Variants in FOXP1 observed in about 807,000 individuals in gnomAD.
The protein encoded by FOXP1 is forkhead box P1.
FOXP1 carries 15 observed loss-of-function variants against 98.2 expected under a neutral mutation model. That is an observed-to-expected ratio of 0.15 (90% confidence interval 0.10 to 0.24). FOXP1 has a LOEUF of 0.24. FOXP1 is among the 10% of genes least tolerant of loss of function. The pLI is 1.00. For synonymous variants in FOXP1, 371 were observed against 314.5 expected (o/e 1.18, Z -1.90); for missense variants, 633 against 848.5 (o/e 0.75, Z 3.15).
chr3:71,200,745 G>T (rs546825700), intron 5 of FOXP1, among the ~76,000 whole-genome samples: 1 of 152,198 alleles, frequency 6.6e-6, no homozygotes, highest in Non-Finnish European at 1.5e-5. Flanking sequence ...ACAGATTTCT[G>T]CCCCATACAT....
intron 10 of FOXP1, among the ~76,000 whole-genome samples, chr3:71,042,495 G>C (rs1444653818): frequency 6.6e-6 from 1 of 152,044 alleles, no homozygotes; most frequent in Non-Finnish European, 1.5e-5. Flanking sequence ...AGATATTCTA[G>C]ATGACAACTA....
intron 20 of FOXP1, among the ~76,000 whole-genome samples, chr3:70,960,918 T>C (rs34371285): frequency 0.26 from 39,015 of 149,502 alleles, 5,980 homozygotes; most frequent in Middle Eastern, 0.38. Flanking sequence ...CTTGGCTCAC[T>C]GCAAGCTCCG....
intron 4 of FOXP1, among the ~76,000 whole-genome samples, chr3:71,327,060 C>T (rs2075735088): frequency 1.3e-5 from 2 of 152,068 alleles, no homozygotes; most frequent in Non-Finnish European, 2.9e-5. Flanking sequence ...CTGCACTGCC[C>T]ATTCTAGAAT....
chr3:71,429,943 A>G (rs946345991), intron 3 of FOXP1, among the ~76,000 whole-genome samples: 2 of 152,246 alleles, frequency 1.3e-5, no homozygotes, highest in African/African-American at 4.8e-5. Flanking sequence ...TCCAGTGAAA[A>G]ACAAAATTCA....
intron 5 of FOXP1, among the ~76,000 whole-genome samples, chr3:71,236,826 T>G (rs1011636130): frequency 3.3e-5 from 5 of 150,186 alleles, no homozygotes; most frequent in Admixed American, 6.6e-5. Context: ...TGAGCCATAA[T>G]CCTGCCACTG....
At chr3:71,532,019 C>T (rs1247127324) in intron 2 of FOXP1, among the ~76,000 whole-genome samples, 1 of 152,246 alleles carries the variant, frequency 6.6e-6, no homozygotes, top group African/African-American at 2.4e-5. Context: ...TCAAGTCCTA[C>T]AGGCTTCCAT....
At chr3:71,432,745 T>C (rs2084837648) in intron 3 of FOXP1, among the ~76,000 whole-genome samples, 1 of 151,720 alleles carries the variant, frequency 6.6e-6, no homozygotes, top group African/African-American at 2.4e-5. Context: ...GAACTCAGCA[T>C]TTACAGCATT....
At chr3:71,228,061 C>T (rs2065981981) in intron 5 of FOXP1, among the ~76,000 whole-genome samples, 1 of 151,930 alleles carries the variant, frequency 6.6e-6, no homozygotes, top group Admixed American at 6.6e-5. Flanking sequence ...TTGCAGAAGC[C>T]CCTGTCAAAT....
At chr3:71,468,492 T>C (rs11706279) in intron 3 of FOXP1, among the ~76,000 whole-genome samples, 63,183 of 151,986 alleles carry the variant, frequency 0.42, 13,995 homozygotes, top group Non-Finnish European at 0.48. Flanking sequence ...GTTAGGTCTC[T>C]GGAGAACAGC....
intron 5 of FOXP1, among the ~76,000 whole-genome samples, chr3:71,273,062 C>T (rs2070538881): frequency 6.6e-6 from 1 of 152,152 alleles, no homozygotes; most frequent in African/African-American, 2.4e-5. Context: ...CATCTGGCTC[C>T]CTCTCTGCTG....
intron 3 of FOXP1, among the ~76,000 whole-genome samples, chr3:71,449,149 A>G (rs1440662610): frequency 2.0e-5 from 3 of 152,226 alleles, no homozygotes; most frequent in Admixed American, 6.5e-5. Flanking sequence ...GGGTAGAAAT[A>G]TAGAAAGAGC....
chr3:71,327,092 TACACGGTCTCCCTAAGATTGAGACC>T (rs1399450648), intron 4 of FOXP1, among the ~76,000 whole-genome samples: 2 of 152,066 alleles, frequency 1.3e-5, no homozygotes, highest in Non-Finnish European at 1.5e-5. Context: ...ACCACCATGT[TACACGGTCTCCCTAAGATTGAGACC>T]ACAGGGCCAT....
intron 3 of FOXP1, among the ~76,000 whole-genome samples, chr3:71,394,957 G>A (rs1033854145): frequency 1.1e-4 from 17 of 151,922 alleles, no homozygotes; most frequent in African/African-American, 3.9e-4. Context: ...AAAATTAACC[G>A]GATGTGGTGG....
intron 3 of FOXP1, among the ~76,000 whole-genome samples, chr3:71,401,779 A>G (rs1469390736): frequency 3.9e-5 from 6 of 152,226 alleles, no homozygotes; most frequent in South Asian, 2.1e-4. Flanking sequence ...TCCCCATTCA[A>G]TCAATGAAGC....
At chr3:71,424,060 C>A (rs2083886044) in intron 3 of FOXP1, among the ~76,000 whole-genome samples, 1 of 152,194 alleles carries the variant, frequency 6.6e-6, no homozygotes, top group South Asian at 2.1e-4. Flanking sequence ...TCCCAAGTCG[C>A]TGGATTATAG....
At position 71,582,734 on chromosome 3, in the gene FOXP1, C is replaced by T; in HGVS notation, c.-447+837G>A. 3.0e-6 allele frequency: 3 copies of T among 985,158 alleles called. No homozygotes were observed. In the African/African-American group the frequency reaches 5.2e-5, roughly 17 times the overall value. 61.0% of individuals were successfully genotyped at this position (985,158 alleles called of 1,614,324 possible). On this transcript the variant is annotated intron_variant, in intron 1 of 20. Transcript: ENST00000649528. ...GGCCACGGCTGTTGCGGACTCGTCT[C>T]GGGAAAGCGGAGGCCGAGCGCGCGT... is the stretch of plus-strand genomic sequence containing the variant.
At chr3:71,326,572 G>A (rs533796690) in intron 4 of FOXP1, among the ~76,000 whole-genome samples, 1 of 152,246 alleles carries the variant, frequency 6.6e-6, no homozygotes, top group East Asian at 1.9e-4. Flanking sequence ...AAAAATAGAA[G>A]GAAGGAAGGG....
chr3:71,028,588 C>T (rs1243373378), intron 11 of FOXP1, among the ~76,000 whole-genome samples: 1 of 152,204 alleles, frequency 6.6e-6, no homozygotes, highest in Non-Finnish European at 1.5e-5. Context: ...GAAGTGCTCG[C>T]CAACCTTTTT....
chr3:71,007,079 T>C (rs940242121), intron 12 of FOXP1, among the ~76,000 whole-genome samples: 3 of 152,106 alleles, frequency 2.0e-5, no homozygotes, highest in African/African-American at 7.2e-5. Flanking sequence ...TCCTAAGCAA[T>C]GTCAGAAAGG....
Sources: allele counts gnomAD v4.1 joint callset (sites outside exome capture counted in the v4.1 genomes callset), GRCh38; gene constraint gnomAD v4.1.1; transcripts MANE v1.5; gene names NCBI Gene and HGNC (gene_info 2026-07-23, HGNC 2026-07-21).